SPAG9: variants seen among roughly 807,000 people sequenced by gnomAD.
SPAG9 encodes sperm associated antigen 9.
Under a neutral mutation model 166.5 loss-of-function variants are expected in SPAG9, and 35 were observed. That is an observed-to-expected ratio of 0.21 (90% CI 0.16 to 0.28). The LOEUF is 0.28. SPAG9 is among the 10% of genes least tolerant of loss of function. The pLI, the probability that SPAG9 is intolerant of heterozygous loss-of-function variation, is 1.00. For synonymous variants in SPAG9, 534 were observed against 565.5 expected (o/e 0.94, Z 0.79); for missense variants, 1,235 against 1,603.3 (o/e 0.77, Z 3.92).
At chr17:50,985,308 G>A (rs1974962130) in intron 23 of SPAG9, among the ~76,000 whole-genome samples, 1 of 152,158 alleles carries the variant, frequency 6.6e-6, no homozygotes. Context: ...AACAGAGTCA[G>A]CCCTGTAGGC....
At chr17:51,043,786 A>T (rs2046927556) in intron 4 of SPAG9, among the ~76,000 whole-genome samples, 1 of 152,166 alleles carries the variant, frequency 6.6e-6, no homozygotes, top group African/African-American at 2.4e-5. Context: ...ACTTCATAAG[A>T]CTCCCTCACA....
intron 26 of SPAG9, among the ~76,000 whole-genome samples, chr17:50,977,899 C>T (rs572192211): frequency 6.6e-6 from 1 of 152,060 alleles, no homozygotes; most frequent in African/African-American, 2.4e-5. Context: ...ACAAACAAAC[C>T]CAGATAAATC....
At chr17:50,988,908 A>G (rs1320912278) in intron 21 of SPAG9, among the ~76,000 whole-genome samples, 1 of 152,232 alleles carries the variant, frequency 6.6e-6, no homozygotes, top group Non-Finnish European at 1.5e-5. Context: ...AAGGTCATCC[A>G]CACCCATGTG....
intron 1 of SPAG9, among the ~76,000 whole-genome samples, chr17:51,097,488 T>C (rs1008684452): frequency 6.6e-6 from 1 of 152,116 alleles, no homozygotes; most frequent in African/African-American, 2.4e-5. Context: ...AAGATCAGCC[T>C]GGGCAACACA....
At chr17:51,113,352 T>TC (rs1319080107) in intron 1 of SPAG9, among the ~76,000 whole-genome samples, 22 of 42,052 alleles carry the variant, frequency 5.2e-4, no homozygotes, top group South Asian at 1.8e-3. Flanking sequence ...AAATGCCATA[T>TC]CAAAAAAAAA....
At chr17:51,069,290 G>A (rs1039496408) in intron 2 of SPAG9, among the ~76,000 whole-genome samples, 1 of 151,770 alleles carries the variant, frequency 6.6e-6, no homozygotes, top group African/African-American at 2.4e-5. Context: ...TATTGACATA[G>A]AACTAAAGTG....
In SPAG9 at chr17:51,120,866, G is replaced by A. The variant is rs1366165705; in HGVS notation, c.-210C>T. ...CACCCCAACCGCCGCTGCACCAACT[G>A]CCGGGGCGGCCCGGCCGCGCGCGCC... is the stretch of plus-strand genomic sequence containing the variant. On this transcript the variant is annotated 5_prime_UTR_variant, in exon 1 of 30. Transcript: ENST00000262013. This position sits in a 1 kb window ranked among gnomAD's most constrained non-coding sequence, Gnocchi z 4.7. 4.8e-5 allele frequency: 13 copies of A among 271,606 alleles called. No individual in the cohort carries two copies. The East Asian group carries it at 7.5e-4, about 16-fold the overall frequency. 16.8% of individuals were successfully genotyped at this position (271,606 alleles called of 1,614,324 possible).
chr17:50,963,091 C>T lies in SPAG9; in HGVS notation c.*3181G>A, dbSNP rs1351254112. The T allele has an allele frequency of 2.0e-5, 3 of 152,192 alleles. No homozygotes were observed. The highest frequency in any genetic ancestry group is 7.2e-5 in the African/African-American group (3 of 41,436). 9.4% of individuals were successfully genotyped at this position (152,192 alleles called of 1,614,324 possible). On this transcript the variant is annotated 3_prime_UTR_variant, in exon 30 of 30. Transcript: ENST00000262013. ...GTTAGGTTGAGGCATATGATATTGT[C>T]GCTTTTGCAGATCAGCAATGGTTGA...
At chr17:51,028,080 A>T (rs908750862) in intron 6 of SPAG9, among the ~76,000 whole-genome samples, 29 of 150,900 alleles carry the variant, frequency 1.9e-4, no homozygotes, top group East Asian at 1.7e-3. Context: ...AAAAAAAAAA[A>T]TTTTTTTTAA....
chr17:51,061,125 C>T (rs1385698571), intron 2 of SPAG9, among the ~76,000 whole-genome samples: 17 of 90,280 alleles, frequency 1.9e-4, no homozygotes, highest in African/African-American at 2.7e-4. Flanking sequence ...GGATTACAGG[C>T]GTAAGCCACC....
At chr17:51,099,190 T>C (rs1382273821) in intron 1 of SPAG9, among the ~76,000 whole-genome samples, 1 of 151,708 alleles carries the variant, frequency 6.6e-6, no homozygotes, top group South Asian at 2.1e-4. Context: ...TCCCAACACT[T>C]TGAGAGACCG....
At chr17:51,012,722 C>CTTTATTTATTTATTTA (rs142325730) in intron 9 of SPAG9, among the ~76,000 whole-genome samples, 88 of 145,836 alleles carry the variant, frequency 6.0e-4, no homozygotes, top group African/African-American at 2.1e-3. Context: ...TTACTAGATA[C>CTTTATTTATTTATTTA]TTTATTTATT....
rs78902664 is a variant in SPAG9 at position 50,995,048 on chromosome 17, C to T, written c.2226+9G>A. On this transcript the variant is annotated intron_variant, in intron 18 of 29. Transcript: ENST00000262013. ...ATAAACCAGGTCAAATGTTAGTACACACACTTACCTTAAGTTCCTGATCTA... is the reference window on the plus strand; with the variant it reads ...ATAAACCAGGTCAAATGTTAGTACATACACTTACCTTAAGTTCCTGATCTA... The T allele has an allele frequency of 1.3e-3, 2,078 of 1,606,060 alleles. 19 individuals are homozygous for T. In the African/African-American group the frequency reaches 0.024, roughly 19 times the overall value.
intron 2 of SPAG9, among the ~76,000 whole-genome samples, chr17:51,058,270 C>T (rs1273849879): frequency 6.6e-6 from 1 of 152,130 alleles, no homozygotes; most frequent in Non-Finnish European, 1.5e-5. Context: ...CTAATAGCAG[C>T]CAACAACATC....
Position 51,116,221 on chromosome 17 carries a change from T to C in SPAG9, c.303+4133A>G, listed in dbSNP as rs1056682266. ...CCACCACACCCAGATAATTTTTGTA[T>C]TTTTAGTACAGACAGGGTTTCATCA... On this transcript the variant is annotated intron_variant, in intron 1 of 29. Transcript: ENST00000262013. Among the ~76,000 whole-genome samples the C allele has an allele frequency of 3.9e-5, 6 of 152,068 alleles. No individual in the cohort carries two copies. In the South Asian group the frequency reaches 1.2e-3, roughly 32 times the overall value.
intron 5 of SPAG9, among the ~76,000 whole-genome samples, chr17:51,037,955 C>G (rs1291966861): frequency 6.6e-6 from 1 of 151,862 alleles, no homozygotes; most frequent in African/African-American, 2.4e-5. Context: ...AGAAGTCCCC[C>G]GGTACGAAAT....
chr17:51,120,327 C>A lies in SPAG9; in HGVS notation c.303+27G>T, dbSNP rs1173105159. 6.6e-7 allele frequency: 1 copy of A among 1,511,578 alleles called. No individual in the cohort carries two copies. Among genetic ancestry groups the A allele is most frequent in the East Asian group, 2.5e-5 (1 of 40,004 alleles). 93.6% of individuals were successfully genotyped at this position (1,511,578 alleles called of 1,614,324 possible). A position where few individuals can be genotyped will look rare whatever the true frequency, so the allele number is the denominator to read the frequency against. Reference sequence around the variant, plus strand: ...CGGCCGCCCCCGGAGACGGATCCCGCGGCCCCCGCCCTGCCGCCGGCCTCA... The same window carrying A: ...CGGCCGCCCCCGGAGACGGATCCCGAGGCCCCCGCCCTGCCGCCGGCCTCA... On this transcript the variant is annotated intron_variant, in intron 1 of 29. Coordinates refer to ENST00000262013, the MANE Select transcript of SPAG9 (RefSeq NM_001130528.3). This position sits in a 1 kb window ranked among gnomAD's most constrained non-coding sequence, Gnocchi z 4.7.
At chr17:51,100,056 T>C (rs976350523) in intron 1 of SPAG9, among the ~76,000 whole-genome samples, 1 of 152,042 alleles carries the variant, frequency 6.6e-6, no homozygotes, top group African/African-American at 2.4e-5. Flanking sequence ...ACCGAGATTG[T>C]GCCACTGCAC....
chr17:51,059,218 G>A (rs1031212727), intron 2 of SPAG9, among the ~76,000 whole-genome samples: 2 of 152,136 alleles, frequency 1.3e-5, no homozygotes, highest in Non-Finnish European at 2.9e-5. Flanking sequence ...CTCTGGGGAG[G>A]AGTCAGTGAT....
Sources: gnomAD v4.1 joint callset for allele counts (sites outside exome capture counted in the v4.1 genomes callset) on GRCh38, gnomAD v4.1.1 for gene constraint, Gnocchi (gnomAD v3.1) non-coding constraint, MANE v1.5 for transcripts, NCBI Gene and HGNC (gene_info 2026-07-23, HGNC 2026-07-21) for gene names.